ADCY5: variants seen among roughly 807,000 people sequenced by gnomAD.
ADCY5 encodes adenylate cyclase type 5.
Under a neutral mutation model 119.7 loss-of-function variants are expected in ADCY5, and 30 were observed. That is an observed-to-expected ratio of 0.25 (90% confidence interval 0.19 to 0.34). The LOEUF (loss-of-function observed/expected upper bound fraction) is 0.34. ADCY5 is among the 10% of genes least tolerant of loss of function. The probability of loss-of-function intolerance (pLI) is 1.00; values close to 1 mark genes in which losing one functional copy is unlikely to be tolerated. For synonymous variants in ADCY5, 753 were observed against 762.2 expected, an observed-to-expected ratio of 0.99 and a Z score of 0.20; for missense variants, 1,324 against 1,775.2, an observed-to-expected ratio of 0.75 and a Z score of 4.57.
At chr3:123,329,533 T>A (rs1474872895) in intron 5 of ADCY5, among the ~76,000 whole-genome samples, 1 of 152,156 alleles carries the variant, frequency 6.6e-6, no homozygotes, top group African/African-American at 2.4e-5. Flanking sequence ...CAGGTGCATG[T>A]CTGAGGCCCA....
At chr3:123,374,472 G>A (rs1434823207) in intron 1 of ADCY5, among the ~76,000 whole-genome samples, 1 of 152,116 alleles carries the variant, frequency 6.6e-6, no homozygotes, top group Non-Finnish European at 1.5e-5. Context: ...CTAATCCTCG[G>A]GACAACACTA....
intron 14 of ADCY5, among the ~76,000 whole-genome samples, 200 bp downstream of exon 14, chr3:123,302,855 T>C (rs918161083): frequency 3.3e-5 from 5 of 152,150 alleles, no homozygotes; most frequent in Non-Finnish European, 7.4e-5. Flanking sequence ...TTAACAGTCA[T>C]TGTCATATGG....
chr3:123,440,552 T>A (rs1945705395), intron 1 of ADCY5, among the ~76,000 whole-genome samples: 1 of 151,436 alleles, frequency 6.6e-6, no homozygotes. Context: ...TACTCACAGT[T>A]CCAATCTCCT....
chr3:123,373,891 T>C (rs1442294989), intron 1 of ADCY5, among the ~76,000 whole-genome samples: 1 of 152,026 alleles, frequency 6.6e-6, no homozygotes, highest in East Asian at 1.9e-4. Context: ...CTTTACCTTT[T>C]GGTTCCTATA....
At chr3:123,338,922 T>G (rs536896087) in intron 3 of ADCY5, among the ~76,000 whole-genome samples, 1 of 152,208 alleles carries the variant, frequency 6.6e-6, no homozygotes, top group African/African-American at 2.4e-5. Context: ...TGCAGCACCC[T>G]GGACACCCAG....
rs777644400 is a variant in ADCY5 at position 123,328,608 on chromosome 3, G to A, written c.1805+36C>T. 14 of 1,608,364 alleles carry A rather than the reference G, an allele frequency of 8.7e-6. No homozygotes were observed. The African/African-American group carries it at 1.6e-4, about 18-fold the overall frequency. ...CTGGGTGGGCTTGAGTGGGAACCCA[G>A]GTCGGGGCCCCAAGCCACCCACAGC... On this transcript the variant is annotated intron_variant, in intron 6 of 20. Transcript: ENST00000462833.
chr3:123,407,966 G>C (rs1166649617), intron 1 of ADCY5, among the ~76,000 whole-genome samples: 1 of 151,808 alleles, frequency 6.6e-6, no homozygotes, highest in Admixed American at 6.6e-5. Context: ...TGACAAAAAT[G>C]TTTGGGATAG....
At chr3:123,394,155 A>G (rs1944477748) in intron 1 of ADCY5, among the ~76,000 whole-genome samples, 1 of 152,202 alleles carries the variant, frequency 6.6e-6, no homozygotes, top group Admixed American at 6.5e-5. Context: ...GTGACATTTT[A>G]AATTTGTTTT....
chr3:123,397,917 CAG>C (rs1453067532), intron 1 of ADCY5, among the ~76,000 whole-genome samples: 1 of 152,126 alleles, frequency 6.6e-6, no homozygotes, highest in African/African-American at 2.4e-5. Context: ...AGACACAGCA[CAG>C]AGGCTGCTGG....
At chr3:123,363,091 C>A (rs55762403) in intron 1 of ADCY5, among the ~76,000 whole-genome samples, 10 of 144,278 alleles carry the variant, frequency 6.9e-5, no homozygotes, top group Non-Finnish European at 1.3e-4. Context: ...TGCAGTGAGC[C>A]GAGATCACAT....
intron 3 of ADCY5, among the ~76,000 whole-genome samples, chr3:123,334,616 T>C (rs1387232060): frequency 1.3e-5 from 2 of 152,120 alleles, no homozygotes; most frequent in African/African-American, 4.8e-5. Context: ...CATGCACCTG[T>C]AATCTCAGCT....
chr3:123,321,647 G>A (rs954421442), intron 8 of ADCY5, among the ~76,000 whole-genome samples: 1 of 152,200 alleles, frequency 6.6e-6, no homozygotes. Flanking sequence ...CCCTGGCAGT[G>A]TGGAGCACTC....
At chr3:123,335,521 G>A (rs1452833698) in intron 3 of ADCY5, among the ~76,000 whole-genome samples, 1 of 152,196 alleles carries the variant, frequency 6.6e-6, no homozygotes, top group Non-Finnish European at 1.5e-5. Context: ...CACTTTAGGA[G>A]TTGAACCAAT....
chr3:123,420,218 A>T (rs1945274639), intron 1 of ADCY5: 1 of 152,342 alleles, frequency 6.6e-6, no homozygotes, highest in South Asian at 2.1e-4. Flanking sequence ...AGTCATGGTC[A>T]TGAGGCCACA....
intron 3 of ADCY5, among the ~76,000 whole-genome samples, chr3:123,344,526 T>C (rs1942438166): frequency 1.3e-5 from 2 of 152,332 alleles, no homozygotes; most frequent in Non-Finnish European, 2.9e-5. Context: ...ATTACGCAGA[T>C]GAGGAAACTG....
chr3:123,429,740 A>G (rs1439559019), intron 1 of ADCY5, among the ~76,000 whole-genome samples: 1 of 152,212 alleles, frequency 6.6e-6, no homozygotes, highest in African/African-American at 2.4e-5. Context: ...TGGGCTGCAT[A>G]TGCACCATCA....
rs1559786626 is a variant in ADCY5, at chr3:123,300,113, C to T, written c.2900+7G>A. The T allele has an allele frequency of 1.9e-6, 3 of 1,613,496 alleles. No individual in the cohort carries two copies. The highest frequency in any genetic ancestry group is 1.3e-5 in the African/African-American group (1 of 74,944). ...CCAGTGGGGAGCGTGAGGGAGGTGC[C>T]CCATACATGGCGTTGGCGGTGACCA... On this transcript the variant is annotated splice_region_variant and intron_variant, in intron 15 of 20. Transcript: ENST00000462833.
At chr3:123,346,246 C>T (rs1020873038) in intron 3 of ADCY5, among the ~76,000 whole-genome samples, 3 of 152,238 alleles carry the variant, frequency 2.0e-5, no homozygotes, top group Admixed American at 6.5e-5. Flanking sequence ...CCCGGAAGTC[C>T]GGCCACCAAC....
At chr3:123,435,539 C>T (rs1945593355) in intron 1 of ADCY5, among the ~76,000 whole-genome samples, 1 of 152,190 alleles carries the variant, frequency 6.6e-6, no homozygotes. Context: ...CAGCACATAA[C>T]TTCTTTCAGA....
Sources: gnomAD v4.1 joint callset for allele counts (sites outside exome capture counted in the v4.1 genomes callset) on GRCh38, gnomAD v4.1.1 for gene constraint, MANE v1.5 for transcripts, NCBI Gene and HGNC (gene_info 2026-07-23, HGNC 2026-07-21) for gene names.